The following MRPL15 variants were observed in gnomAD, a reference collection of about 807,000 sequenced individuals.
The protein encoded by MRPL15 is mitochondrial ribosomal protein L15, also known as large ribosomal subunit protein uL15m.
A neutral mutation model predicts 28.0 loss-of-function variants in MRPL15; 24 were observed. That is an observed-to-expected ratio of 0.86 (90% CI 0.62 to 1.21). The LOEUF is 1.21. MRPL15 is among the 50% of genes most tolerant of loss of function. The pLI is 0.00. For synonymous variants in MRPL15, 124 were observed against 137.0 expected (o/e 0.90, Z 0.66); for missense variants, 343 against 372.4 (o/e 0.92, Z 0.65).
In MRPL15 at chr8:54,147,494, C is replaced by G; in HGVS notation, c.666C>G (p.Tyr222Ter). ...PYYTDAKNRG[Y>*]LADPAKFPEA... The stretch of plus-strand genomic sequence containing the variant: ...ACACTGATGCAAAGAACCGTGGGTA[C>G]CTGGCGGATCCTGCCAAATTTCCTG... The change falls in exon 5 of 5, where the codon TAC becomes TAG. Residue 222 changes from tyrosine to a stop codon, truncating the protein, a stop_gained. Transcript: ENST00000260102. LOFTEE classifies it high-confidence loss of function. 1 of 1,614,166 alleles carries G rather than the reference C, an allele frequency of 6.2e-7. No individual in the cohort carries two copies. The highest frequency in any genetic ancestry group is 8.5e-7 in the Non-Finnish European group (1 of 1,180,028).
intron 4 of MRPL15, among the ~76,000 whole-genome samples, chr8:54,146,022 C>G (rs757492714): frequency 6.6e-6 from 1 of 152,222 alleles, no homozygotes; most frequent in African/African-American, 2.4e-5. Context: ...TGTGGAGATA[C>G]TGCTAGGTGA....
chr8:54,137,146 CAA>C, intron 2 of MRPL15, 120 bp from the exon 3 acceptor site: 2 of 973,558 alleles, frequency 2.1e-6, no homozygotes, highest in Non-Finnish European at 3.1e-6. Context: ...GTGTTACACT[CAA>C]GAGGGTTTTG....
At chr8:54,143,905 C>T (rs561273121) in intron 4 of MRPL15, among the ~76,000 whole-genome samples, 1 of 152,334 alleles carries the variant, frequency 6.6e-6, no homozygotes, top group African/African-American at 2.4e-5. Context: ...TGGCTTTGGG[C>T]CCCACTGTTC....
At chr8:54,141,788 G>A (rs187525135) in intron 3 of MRPL15, among the ~76,000 whole-genome samples, 182 of 151,686 alleles carry the variant, frequency 1.2e-3, no homozygotes, top group Admixed American at 3.2e-3. Flanking sequence ...TGAAAGTAAT[G>A]TAAATACTAT....
At chr8:54,142,969 A>T in intron 4 of MRPL15, 183 bp downstream of exon 4, 1 of 835,032 alleles carries the variant, frequency 1.2e-6, no homozygotes, top group East Asian at 2.8e-5. Flanking sequence ...CACCAAGGGC[A>T]AAAAAGGCTC....
chr8:54,137,551 C>A, intron 3 of MRPL15, 118 bp downstream of exon 3: 1 of 881,284 alleles, frequency 1.1e-6, no homozygotes, highest in Non-Finnish European at 1.7e-6. Context: ...CAACCTCCAC[C>A]TCACAAGTTC....
At chr8:54,145,730 A>C (rs1026559884) in intron 4 of MRPL15, among the ~76,000 whole-genome samples, 1 of 152,112 alleles carries the variant, frequency 6.6e-6, no homozygotes, top group African/African-American at 2.4e-5. Context: ...CCTACCTCCC[A>C]AGGTGCTGGC....
chr8:54,135,570 C>CTTTTTT (rs537299219), intron 1 of MRPL15, among the ~76,000 whole-genome samples, 179 bp downstream of exon 1: 3 of 116,906 alleles, frequency 2.6e-5, no homozygotes, highest in African/African-American at 6.0e-5. Flanking sequence ...GCACCCAGTT[C>CTTTTTT]TTTTTTTTTT....
chr8:54,138,030 C>T (rs1017190225), intron 3 of MRPL15, among the ~76,000 whole-genome samples: 1 of 152,028 alleles, frequency 6.6e-6, no homozygotes, highest in Non-Finnish European at 1.5e-5. Flanking sequence ...TCTCGGCTCA[C>T]TGCAACCTCT....
At chr8:54,140,842 A>G (rs1258856718) in intron 3 of MRPL15, among the ~76,000 whole-genome samples, 1 of 150,576 alleles carries the variant, frequency 6.6e-6, no homozygotes, top group African/African-American at 2.4e-5. Flanking sequence ...TTGGCCTCCC[A>G]AAATGCTGGG....
chr8:54,135,632 C>A (rs1810816877), intron 1 of MRPL15, among the ~76,000 whole-genome samples: 1 of 137,840 alleles, frequency 7.3e-6, no homozygotes. Flanking sequence ...AGAAGCAATT[C>A]TCCTGCCTCA....
chr8:54,138,332 A>ATTTTTTTTT (rs1810865718), intron 3 of MRPL15, among the ~76,000 whole-genome samples: 1 of 74,184 alleles, frequency 1.3e-5, no homozygotes, highest in African/African-American at 8.1e-5. Context: ...TTTTTTTTAA[A>ATTTTTTTTT]TAGAGATGGA....
intron 3 of MRPL15, among the ~76,000 whole-genome samples, chr8:54,142,045 C>T (rs1810935787): frequency 6.6e-6 from 1 of 152,084 alleles, no homozygotes; most frequent in Admixed American, 6.6e-5. Flanking sequence ...GACGGGGTTT[C>T]ACCATGTTGG....
rs1810907461 is a variant in MRPL15 at position 54,140,591 on chromosome 8, T to TTTTTTTTTTTTTG, written c.430-2072_430-2071insTTTTTTTTTTTTG. On this transcript the variant is annotated intron_variant, in intron 3 of 4. Coordinates refer to ENST00000260102, the MANE Select transcript of MRPL15 (RefSeq NM_014175.4). ...TTTCTTTTCTTTTTTTTTTTTTTTT[T>TTTTTTTTTTTTTG]GAGATGGAGTCTCGCTCTGTCACCC... Among the ~76,000 whole-genome samples the TTTTTTTTTTTTTG allele has an allele frequency of 3.7e-5, 5 of 136,884 alleles. No homozygotes were observed. The Admixed American group carries it at 3.7e-4, about 10-fold the overall frequency. 89.8% of individuals were successfully genotyped at this position (136,884 alleles called of 152,430 possible). A position where few individuals can be genotyped will look rare whatever the true frequency, so the allele number is the denominator to read the frequency against.
intron 4 of MRPL15, among the ~76,000 whole-genome samples, chr8:54,145,466 C>T (rs1373142759): frequency 6.6e-6 from 1 of 151,924 alleles, no homozygotes; most frequent in African/African-American, 2.4e-5. Flanking sequence ...TGGTGTGAGC[C>T]ACCATGCCGG....
Position 54,147,532 on chromosome 8 carries a change from A to T in MRPL15, c.704A>T (p.Glu235Val), listed in dbSNP as rs1811065666. ...DPAKFPEARL[E>V]LARKYGYILP... ...GCCAAATTTCCTGAAGCACGACTTGAACTCGCCAGGAAGTATGGTTATATC... is the reference window on the plus strand; with the variant it reads ...GCCAAATTTCCTGAAGCACGACTTGTACTCGCCAGGAAGTATGGTTATATC... The change falls in exon 5 of 5, where the codon GAA (glutamate) becomes GTA (valine). Residue 235 changes from glutamate (E) to valine (V), a missense_variant. By Grantham distance (121) the Glu-to-Val change is moderately radical (BLOSUM62 -2). Coordinates refer to ENST00000260102, the MANE Select transcript of MRPL15 (RefSeq NM_014175.4). 1 of 1,614,166 alleles carries T rather than the reference A, an allele frequency of 6.2e-7. No individual in the cohort carries two copies. The highest frequency in any genetic ancestry group is 8.5e-7 in the Non-Finnish European group (1 of 1,180,038).
intron 3 of MRPL15, 91 bp downstream of exon 3, chr8:54,137,524 C>G: frequency 8.1e-7 from 1 of 1,235,526 alleles, no homozygotes; most frequent in Non-Finnish European, 1.1e-6. Context: ...AGTACAGTGG[C>G]GCAATCTCGG....
chr8:54,135,947 T>A (rs897948845), intron 1 of MRPL15, among the ~76,000 whole-genome samples: 3 of 152,254 alleles, frequency 2.0e-5, no homozygotes, highest in African/African-American at 7.2e-5. Context: ...GTTTTCCCGG[T>A]GTATCTTTAT....
intron 4 of MRPL15, among the ~76,000 whole-genome samples, chr8:54,145,927 G>T (rs566561253): frequency 6.6e-6 from 1 of 152,174 alleles, no homozygotes; most frequent in African/African-American, 2.4e-5. Flanking sequence ...TCTTGGTCTC[G>T]ACCCTTAGCA....
Sources: allele counts gnomAD v4.1 joint callset (sites outside exome capture counted in the v4.1 genomes callset), GRCh38; gene constraint gnomAD v4.1.1; transcripts MANE v1.5; gene names NCBI Gene and HGNC (gene_info 2026-07-23, HGNC 2026-07-21).